The following COBLL1 variants were observed in gnomAD, a reference collection of about 807,000 sequenced individuals.
COBLL1 encodes the protein cordon-bleu protein-like 1.
COBLL1 carries 50 observed loss-of-function variants against 94.8 expected under a neutral mutation model. The ratio of observed to expected loss-of-function variants is 0.53; its 90% CI spans 0.42 to 0.67. COBLL1 has a LOEUF of 0.67. Ranked by LOEUF, COBLL1 falls within the 30% of genes least tolerant of loss-of-function variation. The pLI is 0.00. For synonymous variants in COBLL1, 448 were observed against 473.8 expected (o/e 0.95, Z 0.71); for missense variants, 1,362 against 1,348.7 (o/e 1.01, Z -0.15).
intron 7 of COBLL1, among the ~76,000 whole-genome samples, chr2:164,718,846 A>C (rs1353073147): frequency 6.6e-6 from 1 of 152,196 alleles, no homozygotes; most frequent in Non-Finnish European, 1.5e-5. Context: ...AAGATACAGA[A>C]CACAGGATTT....
At chr2:164,800,401 A>T (rs932850095) in intron 2 of COBLL1, 1 of 549,328 alleles carries the variant, frequency 1.8e-6, no homozygotes, top group African/African-American at 1.9e-5. Flanking sequence ...AGAATGGCTA[A>T]CATAAATACC....
At chr2:164,839,070 G>A (rs1186762591) in intron 2 of COBLL1, among the ~76,000 whole-genome samples, 4 of 152,116 alleles carry the variant, frequency 2.6e-5, no homozygotes, top group Non-Finnish European at 5.9e-5. Flanking sequence ...GAAGTAGAGA[G>A]GTAATTTTTT....
rs1004495937 is a variant in COBLL1 at position 164,798,611 on chromosome 2, A to G, written c.41+42545T>C. Among the ~76,000 whole-genome samples, 5 of 152,328 alleles carry G rather than the reference A, an allele frequency of 3.3e-5. No individual in the cohort carries two copies. In the East Asian group the frequency reaches 5.8e-4, roughly 18 times the overall value. On this transcript the variant is annotated intron_variant, in intron 2 of 13. Coordinates refer to ENST00000652658, the MANE Select transcript of COBLL1 (RefSeq NM_001365672.2). ...GAGTGGACAAGGGAAGAATGCTGCAAGATCTCAATACTCAGGGGGACTATC... is the reference window on the plus strand; with the variant it reads ...GAGTGGACAAGGGAAGAATGCTGCAGGATCTCAATACTCAGGGGGACTATC...
intron 1 of COBLL1, among the ~76,000 whole-genome samples, chr2:164,672,514 A>C (rs1317242564): frequency 6.6e-6 from 1 of 151,406 alleles, no homozygotes; most frequent in Non-Finnish European, 1.5e-5. Flanking sequence ...CTGGCTAACA[A>C]GGTGAAACCC....
At chr2:164,677,427 T>C (rs912477430), downstream of COBLL1, among the ~76,000 whole-genome samples, 3 of 152,232 alleles carry the variant, frequency 2.0e-5, no homozygotes, top group East Asian at 3.9e-4. Flanking sequence ...AATTGTGTAA[T>C]TGAGGAAAGT....
At chr2:164,717,075 C>G (rs1252741917) in intron 7 of COBLL1, among the ~76,000 whole-genome samples, 1 of 152,032 alleles carries the variant, frequency 6.6e-6, no homozygotes, top group Non-Finnish European at 1.5e-5. Context: ...CTTTATTTAC[C>G]CGCATGAATA....
chr2:164,689,696 G>C (rs756038847), intron 13 of COBLL1, among the ~76,000 whole-genome samples: 52 of 151,958 alleles, frequency 3.4e-4, no homozygotes, highest in South Asian at 6.2e-4. Context: ...TTAAAATTGT[G>C]GTATTTTCTT....
At chr2:164,799,017 C>T (rs1483059093) in intron 2 of COBLL1, among the ~76,000 whole-genome samples, 1 of 14,968 alleles carries the variant, frequency 6.7e-5, no homozygotes, top group Non-Finnish European at 1.2e-4. Context: ...AAGACTCCGT[C>T]TCAAAAAAAA....
intron 3 of COBLL1, among the ~76,000 whole-genome samples, chr2:164,730,337 A>AT (rs1226649940): frequency 1.3e-5 from 2 of 151,350 alleles, no homozygotes; most frequent in African/African-American, 2.4e-5. Context: ...AAAAAATAAA[A>AT]AAAAAAAACA....
intron 2 of COBLL1, among the ~76,000 whole-genome samples, chr2:164,827,775 C>G (rs1261110191): frequency 2.0e-5 from 3 of 152,146 alleles, no homozygotes; most frequent in African/African-American, 7.2e-5. Flanking sequence ...AAATAGCACT[C>G]TGCTGTAATT....
At chr2:164,788,012 C>T (rs185713607) in intron 2 of COBLL1, among the ~76,000 whole-genome samples, 4 of 152,150 alleles carry the variant, frequency 2.6e-5, no homozygotes, top group African/African-American at 9.6e-5. Flanking sequence ...CAGATGCTTC[C>T]CCGGCCTCCG....
At chr2:164,779,870 T>G in intron 2 of COBLL1, 2 of 389,130 alleles carry the variant, frequency 5.1e-6, no homozygotes, top group Non-Finnish European at 1.1e-5. Flanking sequence ...TGTGCAGGTA[T>G]GAGACATGGG....
intron 7 of COBLL1, among the ~76,000 whole-genome samples, chr2:164,721,444 G>A (rs1685436793): frequency 6.6e-6 from 1 of 152,156 alleles, no homozygotes; most frequent in South Asian, 2.1e-4. Context: ...GGCAAACTCA[G>A]GGAAAATTTG....
At chr2:164,736,010 A>AT (rs1278491648) in intron 3 of COBLL1, among the ~76,000 whole-genome samples, 14 of 151,880 alleles carry the variant, frequency 9.2e-5, no homozygotes, top group Non-Finnish European at 1.6e-4. Context: ...TATTTACAGA[A>AT]TTTTTTCTCT....
intron 10 of COBLL1, 116 bp from the exon 11 acceptor site, chr2:164,699,615 G>A: frequency 1.7e-6 from 1 of 582,704 alleles, no homozygotes. Flanking sequence ...AAAGACAGAT[G>A]GACTAAAATA....
chr2:164,693,352 A>G (rs1308934351), intron 12 of COBLL1, among the ~76,000 whole-genome samples: 1 of 152,190 alleles, frequency 6.6e-6, no homozygotes, highest in East Asian at 1.9e-4. Context: ...AATTATGGAA[A>G]AATATTTACT....
Position 164,725,204 on chromosome 2 carries a change from T to G in COBLL1, c.662-2682A>C, listed in dbSNP as rs965715915. 2.0e-5 allele frequency among the ~76,000 whole-genome samples: 3 copies of G among 149,984 alleles called. No homozygotes were observed. In the Admixed American group the frequency reaches 2.0e-4, roughly 10 times the overall value. Reference sequence around the variant, plus strand: ...AAGTGAACAGAGAGTTTTCGTAACTTGCACAAAGACAAACAGGCATTAAAC... The same window carrying G: ...AAGTGAACAGAGAGTTTTCGTAACTGGCACAAAGACAAACAGGCATTAAAC... On this transcript the variant is annotated intron_variant, in intron 5 of 13. Transcript: ENST00000652658.
intron 2 of COBLL1, among the ~76,000 whole-genome samples, chr2:164,749,264 C>T (rs1013766178): frequency 3.9e-5 from 6 of 152,066 alleles, no homozygotes; most frequent in Non-Finnish European, 7.4e-5. Flanking sequence ...ATAAAGTATT[C>T]TTATAGATTC....
chr2:164,730,170 T>C, intron 3 of COBLL1, 55 bp from the exon 4 acceptor site: 1 of 1,443,952 alleles, frequency 6.9e-7, no homozygotes, highest in South Asian at 1.2e-5. Context: ...TTTCTTAGAA[T>C]GCTTGTCTTC....
Sources: gnomAD v4.1 joint callset for allele counts (sites outside exome capture counted in the v4.1 genomes callset) on GRCh38, gnomAD v4.1.1 for gene constraint, MANE v1.5 for transcripts, NCBI Gene and HGNC (gene_info 2026-07-23, HGNC 2026-07-21) for gene names.